Variants in GTF2E1 observed in about 807,000 individuals in gnomAD.
GTF2E1 encodes TFIIE alpha subunit.
In GTF2E1, 14 loss-of-function variants were observed where a neutral mutation model predicts 34.9. That is an observed-to-expected ratio of 0.40 (90% CI 0.27 to 0.63). The LOEUF (loss-of-function observed/expected upper bound fraction) is 0.63. Ranked by LOEUF, GTF2E1 falls within the 20% of genes least tolerant of loss-of-function variation. GTF2E1 has a pLI of 0.39. For synonymous variants in GTF2E1, 188 were observed against 192.9 expected (o/e 0.97, Z 0.21); for missense variants, 469 against 557.7 (o/e 0.84, Z 1.60).
chr3:120,774,232 A>G (rs190681702), intron 3 of GTF2E1, among the ~76,000 whole-genome samples: 4 of 152,260 alleles, frequency 2.6e-5, no homozygotes, highest in Non-Finnish European at 1.5e-5. Context: ...CAGGCTCAGC[A>G]CATCAAGATG....
At chr3:120,774,864 A>C (rs1017576013) in intron 3 of GTF2E1, among the ~76,000 whole-genome samples, 3 of 152,220 alleles carry the variant, frequency 2.0e-5, no homozygotes, top group African/African-American at 7.2e-5. Flanking sequence ...AAAGTATGCA[A>C]ACGCAGTACC....
intron 2 of GTF2E1, among the ~76,000 whole-genome samples, chr3:120,756,616 T>G (rs1018930146): frequency 6.6e-6 from 1 of 152,016 alleles, no homozygotes; most frequent in Non-Finnish European, 1.5e-5. Context: ...ATTTTGAGGA[T>G]TTGAGAACTT....
rs748212813 is a variant in GTF2E1 at position 120,781,364 on chromosome 3, A to G, written c.1214A>G (p.Tyr405Cys). The change falls in exon 5 of 5, where the codon TAC becomes TGC. Residue 405 changes from tyrosine to cysteine, a missense_variant. Transcript: ENST00000283875. ...ATGGTGGCTGGCCGTCCGTTCTCCT[A>G]CAGTGAAGTGAGCCAACGGCCAGAG... ...IVMVAGRPFS[Y>C]SEVSQRPELV... 1.2e-6 allele frequency: 2 copies of G among 1,613,938 alleles called. No homozygotes were observed. Among genetic ancestry groups the G allele is most frequent in the South Asian group, 1.1e-5 (1 of 91,082 alleles).
rs1709443800 is a variant in GTF2E1, at chr3:120,781,203, C to T, written c.1053C>T (p.Gly351=). 1 of 1,614,056 alleles carries T rather than the reference C, an allele frequency of 6.2e-7. No homozygotes were observed. Among genetic ancestry groups the T allele is most frequent in the African/African-American group, 1.3e-5 (1 of 74,938 alleles). The change falls in exon 5 of 5, where the codon GGC becomes GGT. Residue 351 remains glycine (G), a synonymous_variant. Transcript: ENST00000283875. The stretch of plus-strand genomic sequence containing the variant: ...CTGCTCCAGTGACCGCTGCCAATGG[C>T]AGTGACTCAGAAAGCGAGACCAGTG... ...GAAAPVTAAN[G]SDSESETSES... is the part of the protein sequence containing the mutation.
chr3:120,782,749 T>C lies in GTF2E1; in HGVS notation c.*1279T>C, dbSNP rs914680707. 6.6e-6 allele frequency: 1 copy of C among 152,322 alleles called. No homozygotes were observed. Among genetic ancestry groups the C allele is most frequent in the Middle Eastern group, 3.4e-3 (1 of 294 alleles). The allele number at this position is 152,322 out of a possible 1,614,324, so 9.4% of individuals were successfully genotyped here. On this transcript the variant is annotated 3_prime_UTR_variant, in exon 5 of 5. Transcript: ENST00000283875. ...AAACATCATTGAAGGCTGTCTCTCT[T>C]TTAATTTTTGTCAGACACAGTATTT...
In GTF2E1 at chr3:120,782,712, C is replaced by G. The variant is rs1054292196; in HGVS notation, c.*1242C>G. 4 of 152,178 alleles carry G rather than the reference C, an allele frequency of 2.6e-5. No individual in the cohort carries two copies. Among genetic ancestry groups the G allele is most frequent in the African/African-American group, 9.7e-5 (4 of 41,430 alleles). 9.4% of individuals were successfully genotyped at this position (152,178 alleles called of 1,614,324 possible). ...ATTACTCTTCTCTCTCTCTGTCACT[C>G]TCCCTCTTTCTAAACATCATTGAAG... is the stretch of plus-strand genomic sequence containing the variant. On this transcript the variant is annotated 3_prime_UTR_variant, in exon 5 of 5. Coordinates refer to ENST00000283875, the MANE Select transcript of GTF2E1 (RefSeq NM_005513.3).
Position 120,745,952 on chromosome 3 carries a change from A to G in GTF2E1, c.-31+3158A>G, listed in dbSNP as rs988091473. 2.6e-5 allele frequency among the ~76,000 whole-genome samples: 4 copies of G among 152,142 alleles called. No homozygotes were observed. In the South Asian group the frequency reaches 6.2e-4, roughly 24 times the overall value. Reference sequence around the variant, plus strand: ...GTTCACAGATTTGGATCTAGGTGCTACTTTGTTATATCTTACAATATGTAG... The same window carrying G: ...GTTCACAGATTTGGATCTAGGTGCTGCTTTGTTATATCTTACAATATGTAG... On this transcript the variant is annotated intron_variant, in intron 1 of 4. Coordinates refer to ENST00000283875, the MANE Select transcript of GTF2E1 (RefSeq NM_005513.3).
At chr3:120,774,245 G>GAT in intron 3 of GTF2E1, among the ~76,000 whole-genome samples, 1 of 152,292 alleles carries the variant, frequency 6.6e-6, no homozygotes, top group Admixed American at 6.5e-5. Context: ...TCAAGATGGG[G>GAT]ATGTTGGCTG....
chr3:120,753,856 A>G (rs967489727), intron 2 of GTF2E1, among the ~76,000 whole-genome samples: 29 of 152,184 alleles, frequency 1.9e-4, no homozygotes, highest in African/African-American at 6.8e-4. Context: ...ACTCTCTTCA[A>G]ATGTATAGAT....
At chr3:120,769,944 C>T (rs946761439) in intron 2 of GTF2E1, among the ~76,000 whole-genome samples, 2 of 152,106 alleles carry the variant, frequency 1.3e-5, no homozygotes, top group Non-Finnish European at 2.9e-5. Flanking sequence ...AATTATTATA[C>T]TGGTAATGTA....
intron 2 of GTF2E1, among the ~76,000 whole-genome samples, chr3:120,758,282 C>T (rs537040672): frequency 7.2e-5 from 11 of 152,230 alleles, no homozygotes; most frequent in Non-Finnish European, 1.5e-4. Flanking sequence ...GCACTCCCAC[C>T]AATTTTCTCT....
chr3:120,744,939 T>C (rs530422993), intron 1 of GTF2E1, among the ~76,000 whole-genome samples: 1 of 152,212 alleles, frequency 6.6e-6, no homozygotes, highest in East Asian at 1.9e-4. Context: ...TTTTTTTTTT[T>C]TGAGGGTCCT....
chr3:120,776,577 C>T lies in GTF2E1; in HGVS notation c.805C>T (p.Leu269=), dbSNP rs778108822. Residue 269 remains leucine, a synonymous_variant, in exon 4 of 5, where the codon CTG becomes TTG. Transcript: ENST00000283875. ...DDQEDLHRAS[L]EGKSAKERPI... is the part of the protein sequence containing the mutation. ...CCAAGAAGATCTTCATCGAGCCTCACTGGAAGGGAAATCTGCCAAAGAGAG... is the reference window on the plus strand; with the variant it reads ...CCAAGAAGATCTTCATCGAGCCTCATTGGAAGGGAAATCTGCCAAAGAGAG... 1 of 1,613,904 alleles carries T rather than the reference C, an allele frequency of 6.2e-7. No homozygotes were observed. The highest frequency in any genetic ancestry group is 1.1e-5 in the South Asian group (1 of 91,080).
Position 120,750,537 on chromosome 3 carries a change from G to A in GTF2E1, c.-16G>A, listed in dbSNP as rs745598546. The A allele has an allele frequency of 2.5e-6, 4 of 1,593,742 alleles. No homozygotes were observed. In the African/African-American group the frequency reaches 5.4e-5, roughly 21 times the overall value. ...TTTGAATTCAGTATATTTAAAGTTG[G>A]AGTTCGTTGCTAAAGATGGCAGACC... On this transcript the variant is annotated 5_prime_UTR_variant, in exon 2 of 5. Coordinates refer to ENST00000283875, the MANE Select transcript of GTF2E1 (RefSeq NM_005513.3).
intron 2 of GTF2E1, among the ~76,000 whole-genome samples, chr3:120,759,958 T>G (rs910995998): frequency 1.3e-5 from 2 of 152,214 alleles, no homozygotes; most frequent in African/African-American, 4.8e-5. Context: ...TAAAGTAGTA[T>G]TTTCCAATTC....
chr3:120,773,538 CT>C (rs1709373357), intron 3 of GTF2E1, among the ~76,000 whole-genome samples: 1 of 152,118 alleles, frequency 6.6e-6, no homozygotes, highest in African/African-American at 2.4e-5. Flanking sequence ...CAATTCTATC[CT>C]TTCAGCAAGT....
At chr3:120,763,143 T>C (rs1478794794) in intron 2 of GTF2E1, among the ~76,000 whole-genome samples, 3 of 152,198 alleles carry the variant, frequency 2.0e-5, no homozygotes, top group Non-Finnish European at 2.9e-5. Context: ...TTGGCTATCG[T>C]CTTTTAGGTA....
chr3:120,782,076 A>T lies in GTF2E1; in HGVS notation c.*606A>T, dbSNP rs1405655268. On this transcript the variant is annotated 3_prime_UTR_variant, in exon 5 of 5. Transcript: ENST00000283875. ...GAAGTTCATAAGGTAAATCCTTCCCATCCATCTGTTTACTACAATAGGTTA... is the reference window on the plus strand; with the variant it reads ...GAAGTTCATAAGGTAAATCCTTCCCTTCCATCTGTTTACTACAATAGGTTA... 1 of 152,628 alleles carries T rather than the reference A, an allele frequency of 6.6e-6. No individual in the cohort carries two copies. Among genetic ancestry groups the T allele is most frequent in the Non-Finnish European group, 1.5e-5 (1 of 68,408 alleles). 9.5% of individuals were successfully genotyped at this position (152,628 alleles called of 1,614,324 possible). A position where few individuals can be genotyped will look rare whatever the true frequency, so the allele number is the denominator to read the frequency against.
chr3:120,762,720 T>TTAGTCA (rs1709275022), intron 2 of GTF2E1, among the ~76,000 whole-genome samples: 1 of 152,144 alleles, frequency 6.6e-6, no homozygotes, highest in East Asian at 1.9e-4. Context: ...AGCCCTGGCT[T>TTAGTCA]TTAGTCTTAG....
Sources: gnomAD v4.1 joint callset for allele counts (sites outside exome capture counted in the v4.1 genomes callset) on GRCh38, gnomAD v4.1.1 for gene constraint, MANE v1.5 for transcripts, NCBI Gene and HGNC (gene_info 2026-07-23, HGNC 2026-07-21) for gene names.